The following PPP2R2B variants were observed in gnomAD, a reference collection of about 807,000 sequenced individuals.
PPP2R2B encodes serine/threonine-protein phosphatase 2A 55 kDa regulatory subunit B beta isoform.
In PPP2R2B, 5 loss-of-function variants were observed where a neutral mutation model predicts 46.0. The observed-to-expected ratio is 0.11, with a 90% CI of 0.06 to 0.23. PPP2R2B has a LOEUF of 0.23. PPP2R2B is among the 10% of genes least tolerant of loss of function. The pLI, the probability that PPP2R2B is intolerant of heterozygous loss-of-function variation, is 1.00. For missense variants in PPP2R2B, 367 were observed against 575.0 expected (o/e 0.64, Z 3.70); for synonymous variants, 215 against 206.7 (o/e 1.04, Z -0.34).
intron 5 of PPP2R2B, among the ~76,000 whole-genome samples, chr5:146,681,846 C>T (rs1342249915): frequency 6.6e-6 from 1 of 152,188 alleles, no homozygotes; most frequent in Non-Finnish European, 1.5e-5. Flanking sequence ...GTAACACTAT[C>T]AGGCTTTATG....
intron 2 of PPP2R2B, among the ~76,000 whole-genome samples, chr5:146,785,769 A>G (rs1475882490): frequency 2.0e-5 from 3 of 152,318 alleles, no homozygotes; most frequent in South Asian, 2.1e-4. Context: ...TATTAAATGT[A>G]TATATCAAGA....
At chr5:146,994,476 G>A (rs6881291) in intron 1 of PPP2R2B, among the ~76,000 whole-genome samples, 72,023 of 151,910 alleles carry the variant, frequency 0.47, 18,529 homozygotes, top group Middle Eastern at 0.59. Context: ...GAAAGGAACA[G>A]AAGGCCCCCA....
chr5:146,958,865 G>A (rs183141842), intron 1 of PPP2R2B, among the ~76,000 whole-genome samples: 10 of 152,274 alleles, frequency 6.6e-5, no homozygotes, highest in Admixed American at 3.3e-4. Flanking sequence ...ACAAACTTAT[G>A]CAATAGGTTC....
At chr5:147,054,459 A>G (rs1302940273) in intron 1 of PPP2R2B, 1 of 327,896 alleles carries the variant, frequency 3.0e-6, no homozygotes, top group East Asian at 7.5e-5. Context: ...CCACCAATAA[A>G]TTTTTAAAGG....
chr5:146,680,894 G>A (rs1359651812), intron 5 of PPP2R2B, among the ~76,000 whole-genome samples: 1 of 152,110 alleles, frequency 6.6e-6, no homozygotes, highest in East Asian at 1.9e-4. Context: ...ATATTTTTCT[G>A]TTGAAAACAG....
chr5:146,606,982 G>C (rs1308311359), intron 7 of PPP2R2B: 1 of 152,146 alleles, frequency 6.6e-6, no homozygotes, highest in African/African-American at 2.4e-5. Flanking sequence ...AGCACGGCTG[G>C]CACGTTCTTC....
intron 2 of PPP2R2B, among the ~76,000 whole-genome samples, chr5:146,818,969 CT>C (rs993123726): frequency 2.0e-5 from 3 of 152,204 alleles, no homozygotes; most frequent in Non-Finnish European, 4.4e-5. Flanking sequence ...CATTATGCCT[CT>C]TTCCCCTACC....
In PPP2R2B at chr5:146,830,296, G is replaced by A. The variant is rs115230853; in HGVS notation, c.70+47706C>T. On this transcript the variant is annotated intron_variant, in intron 2 of 9. Coordinates refer to ENST00000394411, the MANE Select transcript of PPP2R2B (RefSeq NM_181675.4). ...GTAAACTAAATAATTTAAGCCACAC[G>A]TTTAACACAGTATCTGACACAAGCT... is the stretch of plus-strand genomic sequence containing the variant. Among the ~76,000 whole-genome samples the A allele has an allele frequency of 2.9e-3, 437 of 152,228 alleles. 3 individuals are homozygous for A. Among genetic ancestry groups the A allele is most frequent in the African/African-American group, 0.01 (421 of 41,542 alleles).
At chr5:146,984,978 C>T (rs577422896) in intron 1 of PPP2R2B, among the ~76,000 whole-genome samples, 1 of 150,958 alleles carries the variant, frequency 6.6e-6, no homozygotes, top group Non-Finnish European at 1.5e-5. Flanking sequence ...GGGATATTAA[C>T]CCTTTATCAG....
At chr5:147,004,049 C>T (rs1203140341) in intron 1 of PPP2R2B, among the ~76,000 whole-genome samples, 1 of 151,956 alleles carries the variant, frequency 6.6e-6, no homozygotes, top group Non-Finnish European at 1.5e-5. Context: ...GAGGAATAGG[C>T]CCAAAAGGAA....
At chr5:146,700,922 TGGCAG>T in intron 3 of PPP2R2B, 118 bp downstream of exon 3, 9 of 835,988 alleles carry the variant, frequency 1.1e-5, no homozygotes, top group Admixed American at 1.0e-4. Context: ...ATGACTTTTT[TGGCAG>T]TTTTTAGTTT....
At chr5:146,806,693 G>A (rs1267046451) in intron 2 of PPP2R2B, among the ~76,000 whole-genome samples, 1 of 152,196 alleles carries the variant, frequency 6.6e-6, no homozygotes, top group South Asian at 2.1e-4. Flanking sequence ...TGGAATTTTT[G>A]CTGCAGCTTA....
At chr5:147,043,420 G>C (rs1374844102) in intron 1 of PPP2R2B, among the ~76,000 whole-genome samples, 2 of 152,064 alleles carry the variant, frequency 1.3e-5, no homozygotes, top group Non-Finnish European at 2.9e-5. Flanking sequence ...GACCACGTGA[G>C]GACTCAGTTG....
intron 1 of PPP2R2B, among the ~76,000 whole-genome samples, chr5:147,034,686 T>A (rs1453506866): frequency 6.6e-6 from 1 of 152,222 alleles, no homozygotes; most frequent in Non-Finnish European, 1.5e-5. Context: ...GTTCAATTGA[T>A]CTTTTATTCC....
intron 2 of PPP2R2B, among the ~76,000 whole-genome samples, chr5:146,848,312 AATC>A (rs1213328069): frequency 6.6e-6 from 1 of 152,144 alleles, no homozygotes; most frequent in Non-Finnish European, 1.5e-5. Flanking sequence ...ATTGGTATGT[AATC>A]ATTAACCAAA....
intron 1 of PPP2R2B, among the ~76,000 whole-genome samples, chr5:146,909,381 C>A (rs553928149): frequency 6.6e-6 from 1 of 152,160 alleles, no homozygotes; most frequent in South Asian, 2.1e-4. Flanking sequence ...GACAATGTGA[C>A]CCTTTTCTTG....
At chr5:146,894,648 C>A (rs747516563) in intron 1 of PPP2R2B, among the ~76,000 whole-genome samples, 1 of 152,130 alleles carries the variant, frequency 6.6e-6, no homozygotes, top group African/African-American at 2.4e-5. Flanking sequence ...CCATGTTGCC[C>A]AGGCTGGTCT....
intron 2 of PPP2R2B, chr5:146,707,259 C>A: frequency 6.3e-7 from 1 of 1,587,518 alleles, no homozygotes; most frequent in Admixed American, 1.7e-5. Context: ...TGGTCTCCAG[C>A]ATCTTGTTCT....
chr5:146,849,087 C>A (rs1760185088), intron 2 of PPP2R2B, among the ~76,000 whole-genome samples: 1 of 152,014 alleles, frequency 6.6e-6, no homozygotes, highest in Non-Finnish European at 1.5e-5. Context: ...GCTCCAGACT[C>A]ATATACTTCC....
Sources: allele counts gnomAD v4.1 joint callset (sites outside exome capture counted in the v4.1 genomes callset), GRCh38; gene constraint gnomAD v4.1.1; transcripts MANE v1.5; gene names NCBI Gene and HGNC (gene_info 2026-07-23, HGNC 2026-07-21).